The following RTEL1 variants were observed in gnomAD, a reference collection of about 807,000 sequenced individuals.
The protein encoded by RTEL1 is regulator of telomere elongation helicase 1, also known as regulator of telomere length.
In RTEL1, 86 loss-of-function variants were observed where a neutral mutation model predicts 162.2. The observed-to-expected ratio is 0.53, with a 90% confidence interval of 0.45 to 0.63. The LOEUF (loss-of-function observed/expected upper bound fraction) is 0.63, where lower values mean the gene tolerates loss of function less well. Ranked by LOEUF, RTEL1 falls within the 30% of genes least tolerant of loss-of-function variation. The pLI is 0.00. For synonymous variants in RTEL1, 958 were observed against 717.9 expected (o/e 1.33, Z -5.35); for missense variants, 1,941 against 1,750.2 (o/e 1.11, Z -1.95).
intron 10 of RTEL1, among the ~76,000 whole-genome samples, chr20:63,677,127 A>G (rs1478019275): frequency 1.3e-5 from 2 of 151,994 alleles, no homozygotes; most frequent in Non-Finnish European, 2.9e-5. Flanking sequence ...AGGATTTTTC[A>G]CACTCATGTC....
In RTEL1 at chr20:63,693,303, G is replaced by C. The variant is rs763328897; in HGVS notation, c.2992+20G>C. 2 of 1,610,894 alleles carry C rather than the reference G, an allele frequency of 1.2e-6. No individual in the cohort carries two copies. Among genetic ancestry groups the C allele is most frequent in the Non-Finnish European group, 1.7e-6 (2 of 1,179,150 alleles). ...CCACTGGTAAATGGGGCCCCAGGTGGGACCCTCAGACTCCTGCGTGGAAGG... is the reference window on the plus strand; with the variant it reads ...CCACTGGTAAATGGGGCCCCAGGTGCGACCCTCAGACTCCTGCGTGGAAGG... On this transcript the variant is annotated intron_variant, in intron 30 of 34. Transcript: ENST00000360203.
chr20:63,680,469 C>G (rs2090456729), intron 13 of RTEL1, among the ~76,000 whole-genome samples, 195 bp from the exon 14 acceptor site: 1 of 152,240 alleles, frequency 6.6e-6, no homozygotes, highest in Non-Finnish European at 1.5e-5. Flanking sequence ...CCCTGCCTGG[C>G]TTCTCTCCTG....
intron 14 of RTEL1, 151 bp from the exon 15 acceptor site, chr20:63,685,372 T>C (rs934700207): frequency 2.6e-6 from 2 of 754,798 alleles, no homozygotes; most frequent in Non-Finnish European, 4.3e-6. Flanking sequence ...AGGTGCCAGC[T>C]CCTGTCCATT....
At chr20:63,680,798 G>A (rs2146220373) in intron 14 of RTEL1, 79 bp downstream of exon 14, 2 of 1,588,480 alleles carry the variant, frequency 1.3e-6, no homozygotes, top group Admixed American at 1.7e-5. Context: ...TTAGTTAACT[G>A]ATTCTAGACT....
chr20:63,687,851 A>T, intron 17 of RTEL1, 81 bp downstream of exon 17: 1 of 1,563,274 alleles, frequency 6.4e-7, no homozygotes, highest in Non-Finnish European at 8.7e-7. Context: ...GGTCCCCATG[A>T]GCCGGGTGCT....
In RTEL1 at chr20:63,682,933, G is replaced by A. The variant is rs963918194; in HGVS notation, c.1191+2214G>A. ...TCCTCATCCCTCTCTGCCTGAGGCCGGAGCTGCCCTGGGCTGAGGCACAGG... is the reference window on the plus strand; with the variant it reads ...TCCTCATCCCTCTCTGCCTGAGGCCAGAGCTGCCCTGGGCTGAGGCACAGG... On this transcript the variant is annotated intron_variant, in intron 14 of 34. Transcript: ENST00000360203. 3.3e-5 allele frequency among the ~76,000 whole-genome samples: 5 copies of A among 152,200 alleles called. No individual in the cohort carries two copies. In the East Asian group the frequency reaches 7.7e-4, roughly 23 times the overall value.
chr20:63,694,564 T>C lies in RTEL1; in HGVS notation c.3109+76T>C, dbSNP rs915213767. The C allele has an allele frequency of 1.1e-5, 15 of 1,345,894 alleles. No homozygotes were observed. In the African/African-American group the frequency reaches 1.4e-4, roughly 13 times the overall value. 83.4% of individuals were successfully genotyped at this position (1,345,894 alleles called of 1,614,324 possible). ...TGGCTTCACGAGGCTAACTCTTGAG[T>C]GTGGCCGGGGCTGCCCCTGTGGGGA... On this transcript the variant is annotated intron_variant, in intron 31 of 34. Transcript: ENST00000360203.
At chr20:63,675,488 G>A (rs950627794) in intron 10 of RTEL1, among the ~76,000 whole-genome samples, 1 of 138,214 alleles carries the variant, frequency 7.2e-6, no homozygotes, top group Admixed American at 7.8e-5. Context: ...AGGTGTTCTG[G>A]CTTTAGAATC....
rs778544732 is a variant in RTEL1 at position 63,665,998 on chromosome 20, C to A, written c.539-6C>A. 1.4e-5 allele frequency: 23 copies of A among 1,613,774 alleles called. No homozygotes were observed. The highest frequency in any genetic ancestry group is 2.7e-5 in the African/African-American group (2 of 74,912). ...GTGTGTGTTTACCCCTGCCTCACAC[C>A]TGCAGAAAAAAGCCTGGAGCAGGAG... On this transcript the variant is annotated splice_polypyrimidine_tract_variant and splice_region_variant and intron_variant, in intron 6 of 34. Coordinates refer to ENST00000360203, the MANE Select transcript of RTEL1 (RefSeq NM_001283009.2).
At chr20:63,666,333 G>T (rs1294962751) in intron 7 of RTEL1, among the ~76,000 whole-genome samples, 1 of 152,260 alleles carries the variant, frequency 6.6e-6, no homozygotes, top group Non-Finnish European at 1.5e-5. Context: ...GCCTGTGTCT[G>T]TGCGGAAGCA....
Position 63,674,111 on chromosome 20 carries a change from C to T in RTEL1, c.919+18C>T. ...CAGCCCAGGTGCGTTCATAGCCAGA[C>T]TGCTTGGTCCTGAGGCCTGCGCTGC... On this transcript the variant is annotated intron_variant, in intron 10 of 34. Transcript: ENST00000360203. 1 of 1,597,174 alleles carries T rather than the reference C, an allele frequency of 6.3e-7. No individual in the cohort carries two copies. Among genetic ancestry groups the T allele is most frequent in the Non-Finnish European group, 8.5e-7 (1 of 1,171,072 alleles).
rs571045376 is a variant in RTEL1, at chr20:63,688,077, G to T, written c.1595+27G>T. 47 of 1,611,818 alleles carry T rather than the reference G, an allele frequency of 2.9e-5. No homozygotes were observed. In the South Asian group the frequency reaches 4.8e-4, roughly 17 times the overall value. Reference sequence around the variant, plus strand: ...TGAGGGCCTGTCCCTGGGCCCTGCTGGGGTGGGAGGTGGGGGAGCACTGAG... The same window carrying T: ...TGAGGGCCTGTCCCTGGGCCCTGCTTGGGTGGGAGGTGGGGGAGCACTGAG... On this transcript the variant is annotated intron_variant, in intron 18 of 34. Transcript: ENST00000360203.
At chr20:63,676,971 T>C (rs915745311) in intron 10 of RTEL1, among the ~76,000 whole-genome samples, 3 of 152,180 alleles carry the variant, frequency 2.0e-5, no homozygotes, top group African/African-American at 7.2e-5. Context: ...TCACTGAATG[T>C]TTGTGTGTGA....
chr20:63,662,257 TAGG>T, intron 4 of RTEL1: 1 of 634,174 alleles, frequency 1.6e-6, no homozygotes, highest in East Asian at 2.7e-5. Flanking sequence ...GCACATGAAG[TAGG>T]AGGAGGCCCT....
At position 63,658,425 on chromosome 20, in the gene RTEL1, G is replaced by C. The variant is rs1447107910; in HGVS notation, c.-212G>C. ...GACTGGAGTCGGTTGAGTTCCTGAG[G>C]GACCCCGGTTCTGGAAGGTTCGCCG... is the stretch of plus-strand genomic sequence containing the variant. On this transcript the variant is annotated 5_prime_UTR_variant, in exon 1 of 35. Coordinates refer to ENST00000360203, the MANE Select transcript of RTEL1 (RefSeq NM_001283009.2). 1 of 152,466 alleles carries C rather than the reference G, an allele frequency of 6.6e-6. No individual in the cohort carries two copies. The highest frequency in any genetic ancestry group is 2.4e-5 in the African/African-American group (1 of 41,470). The allele number at this position is 152,466 out of a possible 1,614,324, so 9.4% of individuals were successfully genotyped here.
chr20:63,681,748 C>G, intron 14 of RTEL1: 1 of 985,344 alleles, frequency 1.0e-6, no homozygotes. Context: ...TCAGCCCTCC[C>G]TCCACTGTGG....
At chr20:63,681,560 G>C (rs1374955824) in intron 14 of RTEL1, 2 of 985,298 alleles carry the variant, frequency 2.0e-6, no homozygotes, top group East Asian at 2.3e-4. Flanking sequence ...TGCTTGAGCT[G>C]GGGGAGGCCG....
At chr20:63,683,785 C>T (rs562019166) in intron 14 of RTEL1, among the ~76,000 whole-genome samples, 30 of 152,280 alleles carry the variant, frequency 2.0e-4, no homozygotes, top group African/African-American at 7.2e-4. Flanking sequence ...ACGGTCGTCA[C>T]GCGCTCCTCT....
At position 63,690,373 on chromosome 20, in the gene RTEL1, CCTT is replaced by C. The variant is rs771771098; in HGVS notation, c.2351_2353del (p.Phe784del). The C allele has an allele frequency of 2.8e-5, 45 of 1,611,626 alleles. No homozygotes were observed. The highest frequency in any genetic ancestry group is 4.4e-5 in the South Asian group (4 of 91,002). ...GTCAGCGAGGCCAAGTCGCCTGGCCCCTTCTTCTCCACCAGGAAAGCTAAGAGT... is the reference window on the plus strand; with the variant it reads ...GTCAGCGAGGCCAAGTCGCCTGGCCCCTTCTCCACCAGGAAAGCTAAGAGT... On this transcript the variant is annotated inframe_deletion, in exon 26 of 35. Transcript: ENST00000360203.
Sources: gnomAD v4.1 joint callset for allele counts (sites outside exome capture counted in the v4.1 genomes callset) on GRCh38, gnomAD v4.1.1 for gene constraint, MANE v1.5 for transcripts, NCBI Gene and HGNC (gene_info 2026-07-23, HGNC 2026-07-21) for gene names.